Variants in PRICKLE2 observed in about 807,000 individuals in gnomAD.
PRICKLE2 encodes prickle planar cell polarity protein 2, also known as prickle-like protein 2.
PRICKLE2 carries 21 observed loss-of-function variants against 81.4 expected under a neutral mutation model. That is an observed-to-expected ratio of 0.26 (90% confidence interval 0.18 to 0.37). The LOEUF is 0.37. Among genes scored for constraint, PRICKLE2 ranks in the 10% least tolerant of loss-of-function variants. PRICKLE2 has a pLI of 1.00. For synonymous variants in PRICKLE2, 456 were observed against 421.5 expected (o/e 1.08, Z -1.00); for missense variants, 940 against 1,109.0 (o/e 0.85, Z 2.16).
At chr3:64,195,911 T>C (rs906272096) in intron 2 of PRICKLE2, among the ~76,000 whole-genome samples, 2 of 152,166 alleles carry the variant, frequency 1.3e-5, no homozygotes, top group Non-Finnish European at 1.5e-5. Flanking sequence ...TTTGAGTAAG[T>C]GTAGGAAATA....
At chr3:64,160,723 C>T (rs1054467667) in intron 3 of PRICKLE2, among the ~76,000 whole-genome samples, 10 of 152,156 alleles carry the variant, frequency 6.6e-5, no homozygotes, top group Non-Finnish European at 1.5e-5. Flanking sequence ...CATTTTCCTT[C>T]TTGTTAAATA....
At chr3:64,258,893 G>GAAAGAAAGAAAGAAAGAAATAAATAAAT (rs796940955) in intron 2 of PRICKLE2, among the ~76,000 whole-genome samples, 2 of 141,086 alleles carry the variant, frequency 1.4e-5, no homozygotes, top group African/African-American at 5.5e-5. Context: ...AAGAAAGAAA[G>GAAAGAAAGAAAGAAAGAAATAAATAAAT]AAATCAGGAG....
At position 64,147,722 on chromosome 3, in the gene PRICKLE2, T is replaced by G; in HGVS notation, c.788-20A>C. 1.9e-6 allele frequency: 3 copies of G among 1,613,082 alleles called. No individual in the cohort carries two copies. The highest frequency in any genetic ancestry group is 2.5e-6 in the Non-Finnish European group (3 of 1,179,956). Reference sequence around the variant, plus strand: ...CGATACCTAAAAAAATGAGAGACATTGGAGAGGCTGATGAGCTGCTCAGAG... The same window carrying G: ...CGATACCTAAAAAAATGAGAGACATGGGAGAGGCTGATGAGCTGCTCAGAG... On this transcript the variant is annotated intron_variant, in intron 6 of 7. Transcript: ENST00000638394. This position sits in a 1 kb window ranked among gnomAD's most constrained non-coding sequence, Gnocchi z 5.0.
chr3:64,103,838 G>GTTA (rs2076707964), intron 7 of PRICKLE2, among the ~76,000 whole-genome samples: 1 of 151,974 alleles, frequency 6.6e-6, no homozygotes, highest in African/African-American at 2.4e-5. Context: ...AAATTAGCTG[G>GTTA]GCATGGTGGT....
chr3:64,253,507 T>C (rs2079479620), intron 2 of PRICKLE2, among the ~76,000 whole-genome samples: 1 of 152,158 alleles, frequency 6.6e-6, no homozygotes, highest in Non-Finnish European at 1.5e-5. Context: ...CATTAAAAGA[T>C]TGGCCTAAAA....
chr3:64,130,930 TTC>T (rs1479510139), intron 7 of PRICKLE2, among the ~76,000 whole-genome samples: 2 of 152,150 alleles, frequency 1.3e-5, no homozygotes, highest in East Asian at 3.9e-4. Context: ...CCCAATCTAA[TTC>T]TCTCTTACAA....
intron 2 of PRICKLE2, among the ~76,000 whole-genome samples, chr3:64,195,045 A>T (rs540163806): frequency 6.6e-6 from 1 of 152,136 alleles, no homozygotes; most frequent in South Asian, 2.1e-4. Context: ...GTCTCTTAAA[A>T]AAATAAAAAT....
chr3:64,125,170 T>C (rs997425408), intron 7 of PRICKLE2, among the ~76,000 whole-genome samples: 1 of 152,082 alleles, frequency 6.6e-6, no homozygotes, highest in Non-Finnish European at 1.5e-5. Context: ...GAATTAAGAG[T>C]GGAGCCTGAA....
At chr3:64,202,163 G>A (rs1017577047) in intron 1 of PRICKLE2, among the ~76,000 whole-genome samples, 1 of 152,122 alleles carries the variant, frequency 6.6e-6, no homozygotes, top group African/African-American at 2.4e-5. Flanking sequence ...AAATCATGAA[G>A]TATATATGAG....
At chr3:64,134,226 G>A (rs2077242000) in intron 7 of PRICKLE2, among the ~76,000 whole-genome samples, 1 of 152,178 alleles carries the variant, frequency 6.6e-6, no homozygotes, top group Non-Finnish European at 1.5e-5. Flanking sequence ...GTTTCAACCA[G>A]GTCAACTGGG....
intron 1 of PRICKLE2, among the ~76,000 whole-genome samples, chr3:64,220,841 G>A (rs1251236952): frequency 6.6e-6 from 1 of 152,122 alleles, no homozygotes; most frequent in Non-Finnish European, 1.5e-5. Flanking sequence ...AGACTTCATA[G>A]CCAAACATGC....
At chr3:64,245,149 T>G (rs1002405419) in intron 2 of PRICKLE2, among the ~76,000 whole-genome samples, 1 of 152,222 alleles carries the variant, frequency 6.6e-6, no homozygotes, top group Admixed American at 6.5e-5. Flanking sequence ...CTAGAATTTT[T>G]TTTCGATTTT....
At chr3:64,101,565 G>A (rs2076662942) in intron 7 of PRICKLE2, 1 of 152,212 alleles carries the variant, frequency 6.6e-6, no homozygotes, top group Non-Finnish European at 1.5e-5. Context: ...TTTAAGTGAA[G>A]TAATGATTTA....
At chr3:64,224,326 GAACT>G (rs1272580070) in intron 1 of PRICKLE2, among the ~76,000 whole-genome samples, 1 of 152,160 alleles carries the variant, frequency 6.6e-6, no homozygotes, top group African/African-American at 2.4e-5. Flanking sequence ...AGAGTGAGGA[GAACT>G]AACTATGATC....
intron 7 of PRICKLE2, chr3:64,100,177 A>C: frequency 1.9e-6 from 1 of 537,690 alleles, no homozygotes; most frequent in Non-Finnish European, 3.3e-6. Context: ...TAGTTCCTCC[A>C]AAGGCTCATC....
chr3:64,131,158 G>A (rs1359692024), intron 7 of PRICKLE2, among the ~76,000 whole-genome samples: 1 of 152,198 alleles, frequency 6.6e-6, no homozygotes, highest in Non-Finnish European at 1.5e-5. Context: ...CCCAAATTGT[G>A]AGCCTATTTG....
chr3:64,250,763 GCA>G (rs1251362112), intron 2 of PRICKLE2, among the ~76,000 whole-genome samples: 2 of 152,140 alleles, frequency 1.3e-5, no homozygotes, highest in Non-Finnish European at 2.9e-5. Flanking sequence ...TCCCTTCCTA[GCA>G]CAGAGTGAAA....
chr3:64,148,707 A>T lies in PRICKLE2; in HGVS notation c.788-1005T>A, dbSNP rs570474938. 1.2e-4 allele frequency among the ~76,000 whole-genome samples: 18 copies of T among 152,314 alleles called. No individual in the cohort carries two copies. In the South Asian group the frequency reaches 1.7e-3, roughly 14 times the overall value. On this transcript the variant is annotated intron_variant, in intron 6 of 7. Transcript: ENST00000638394. Reference sequence around the variant, plus strand: ...CCTCATGAATGAGATTAGTGCCCTTATAACAGAGGCCCAAGGGAGCCTGTT... The same window carrying T: ...CCTCATGAATGAGATTAGTGCCCTTTTAACAGAGGCCCAAGGGAGCCTGTT...
chr3:64,255,878 T>C (rs2107184554), intron 2 of PRICKLE2, among the ~76,000 whole-genome samples: 1 of 152,166 alleles, frequency 6.6e-6, no homozygotes, highest in East Asian at 1.9e-4. Context: ...GTATACTGCT[T>C]CCCTGCCTTT....
Sources: allele counts gnomAD v4.1 joint callset (sites outside exome capture counted in the v4.1 genomes callset), GRCh38; gene constraint gnomAD v4.1.1; non-coding constraint Gnocchi (gnomAD v3.1); transcripts MANE v1.5; gene names NCBI Gene and HGNC (gene_info 2026-07-23, HGNC 2026-07-21).